The following ATP11A variants were observed in gnomAD, a reference collection of about 807,000 sequenced individuals.
ATP11A encodes the protein ATPase phospholipid transporting 11A.
ATP11A carries 81 observed loss-of-function variants against 154.4 expected under a neutral mutation model. That is an observed-to-expected ratio of 0.52 (90% CI 0.44 to 0.63). The LOEUF (loss-of-function observed/expected upper bound fraction) is 0.63, where lower values mean the gene tolerates loss of function less well. ATP11A is among the 30% of genes least tolerant of loss of function. The pLI is 0.00. For missense variants in ATP11A, 1,316 were observed against 1,474.3 expected, an observed-to-expected ratio of 0.89 and a Z score of 1.76; for synonymous variants, 623 against 585.9, an observed-to-expected ratio of 1.06 and a Z score of -0.91.
intron 1 of ATP11A, among the ~76,000 whole-genome samples, chr13:112,783,308 G>GA (rs1344196409): frequency 1.3e-5 from 2 of 152,152 alleles, no homozygotes; most frequent in African/African-American, 4.8e-5. Context: ...TTTAAAAAAC[G>GA]AGAGTTCCCT....
intron 6 of ATP11A, among the ~76,000 whole-genome samples, chr13:112,817,299 C>CA (rs2078671485): frequency 6.6e-6 from 1 of 152,142 alleles, no homozygotes; most frequent in African/African-American, 2.4e-5. Flanking sequence ...ATTTTCTTTA[C>CA]AAAATCACTG....
chr13:112,851,102 T>C lies in ATP11A; in HGVS notation c.1875T>C (p.Cys625=). The change falls in exon 18 of 30, where the codon TGT becomes TGC. Residue 625 remains cysteine, a synonymous_variant. Transcript: ENST00000375645. ...TCCAAGAAGAATATGAAGGCATTTG[T>C]AAGCTGCTGCAGGCTGCCAAAGTGG... is the stretch of plus-strand genomic sequence containing the variant. The part of the protein sequence containing the change: ...RLIQEEYEGI[C]KLLQAAKVAL... 1 of 1,614,236 alleles carries C rather than the reference T, an allele frequency of 6.2e-7. No homozygotes were observed. The highest frequency in any genetic ancestry group is 1.3e-5 in the African/African-American group (1 of 75,066).
intron 1 of ATP11A, chr13:112,717,649 C>T (rs1888619778): frequency 6.6e-6 from 1 of 152,238 alleles, no homozygotes; most frequent in Admixed American, 6.5e-5. Flanking sequence ...GCTTGTAAAT[C>T]AGGCAAACCT....
Position 112,875,804 on chromosome 13 carries a change from T to C in ATP11A, c.3190T>C (p.Tyr1064His). The part of the protein sequence containing the change: ...WPFLNYQRMY[Y>H]VFIQMLSSGP... ...GTTCCTCAACTACCAGAGGATGTAC[T>C]ACGTGTTCATCCAGATGCTGTCCAG... Residue 1064 changes from tyrosine to histidine, a missense_variant, in exon 28 of 30, where the codon TAC becomes CAC. This residue lies in a region of ATP11A where 294 missense variants were observed against 290.2 expected (regional missense o/e 1.01). Transcript: ENST00000375645. The surrounding 1 kb of genome is among the most constrained non-coding windows in gnomAD (Gnocchi z 4.1). 1.2e-6 allele frequency: 2 copies of C among 1,614,026 alleles called. No homozygotes were observed. Among genetic ancestry groups the C allele is most frequent in the Non-Finnish European group, 1.7e-6 (2 of 1,180,034 alleles).
chr13:112,823,029 C>G (rs928824307), intron 8 of ATP11A, among the ~76,000 whole-genome samples: 2 of 152,146 alleles, frequency 1.3e-5, no homozygotes, highest in Admixed American at 6.5e-5. Flanking sequence ...CTAGAGGTCT[C>G]TCGGGGAGTG....
intron 1 of ATP11A, among the ~76,000 whole-genome samples, chr13:112,714,706 G>A (rs1362584000): frequency 6.6e-6 from 1 of 152,192 alleles, no homozygotes; most frequent in Non-Finnish European, 1.5e-5. Context: ...GGTGCTGAGA[G>A]CACCGAGAGC....
chr13:112,864,540 C>A (rs76032969), intron 25 of ATP11A, among the ~76,000 whole-genome samples: 7 of 56,352 alleles, frequency 1.2e-4, no homozygotes, highest in African/African-American at 1.4e-4. Context: ...CCATCACCAC[C>A]TGCGCAGTAA....
rs533167756 is a variant in ATP11A at position 112,828,769 on chromosome 13, G to C, written c.1221+1878G>C. Reference sequence around the variant, plus strand: ...CCTCGTACACAAAGAAGTGTGTACTGTTGCTCACGGGGGACACACTGAGGT... The same window carrying C: ...CCTCGTACACAAAGAAGTGTGTACTCTTGCTCACGGGGGACACACTGAGGT... On this transcript the variant is annotated intron_variant, in intron 12 of 29. Transcript: ENST00000375645. 1.7e-3 allele frequency among the ~76,000 whole-genome samples: 258 copies of C among 152,336 alleles called. 1 individual carries two copies. Among genetic ancestry groups the C allele is most frequent in the Non-Finnish European group, 1.5e-3 (105 of 68,028 alleles).
rs557444981 is a variant in ATP11A, at chr13:112,766,676, G to A, written c.40-18459G>A. On this transcript the variant is annotated intron_variant, in intron 1 of 29. Transcript: ENST00000375645. ...CTTCTGCCCACCCCCCAGGATGGGG[G>A]CAGAAGCACCTGAGGGAGTCTGCCT... 2.6e-3 allele frequency among the ~76,000 whole-genome samples: 401 copies of A among 152,208 alleles called. 4 individuals are homozygous for A. Among genetic ancestry groups the A allele is most frequent in the African/African-American group, 9.1e-3 (380 of 41,534 alleles).
Position 112,802,428 on chromosome 13 carries a change from C to A in ATP11A, c.163-2529C>A, listed in dbSNP as rs2078162805. 3.9e-5 allele frequency among the ~76,000 whole-genome samples: 6 copies of A among 151,978 alleles called. No individual in the cohort carries two copies. In the South Asian group the frequency reaches 1.2e-3, roughly 32 times the overall value. ...GGAGTAGATCCACCCAGTAAATCCACCCAGATAGTCAACCCATTCACCCAG... is the reference window on the plus strand; with the variant it reads ...GGAGTAGATCCACCCAGTAAATCCAACCAGATAGTCAACCCATTCACCCAG... On this transcript the variant is annotated intron_variant, in intron 2 of 29. Coordinates refer to ENST00000375645, the MANE Select transcript of ATP11A (RefSeq NM_015205.3).
intron 1 of ATP11A, among the ~76,000 whole-genome samples, chr13:112,752,902 C>G (rs1396172449): frequency 6.6e-6 from 1 of 152,182 alleles, no homozygotes; most frequent in Non-Finnish European, 1.5e-5. Flanking sequence ...CCAGCAGCTG[C>G]CGAAGGAGCC....
intron 1 of ATP11A, among the ~76,000 whole-genome samples, chr13:112,704,968 G>A (rs949536678): frequency 2.6e-5 from 4 of 152,282 alleles, no homozygotes; most frequent in African/African-American, 7.2e-5. Flanking sequence ...AGGCAAATGG[G>A]ACCACAGATT....
intron 1 of ATP11A, among the ~76,000 whole-genome samples, chr13:112,709,728 T>TCATTG (rs56186507): frequency 6.6e-6 from 1 of 151,734 alleles, no homozygotes. Context: ...TAAATGTATT[T>TCATTG]AAGTCTCATG....
intron 17 of ATP11A, among the ~76,000 whole-genome samples, chr13:112,842,699 G>A (rs1419569449): frequency 1.3e-5 from 2 of 152,244 alleles, no homozygotes; most frequent in Admixed American, 1.3e-4. Flanking sequence ...CACGTTTGTG[G>A]TTATTGTATT....
intron 1 of ATP11A, among the ~76,000 whole-genome samples, chr13:112,741,704 C>T (rs980480569): frequency 3.3e-5 from 5 of 152,192 alleles, no homozygotes; most frequent in African/African-American, 1.2e-4. Flanking sequence ...TCTCTCTCTG[C>T]CCATATTCAG....
Position 112,873,655 on chromosome 13 carries a change from T to G in ATP11A, c.3140T>G (p.Leu1047Arg), listed in dbSNP as rs745689439. 2 of 1,613,460 alleles carry G rather than the reference T, an allele frequency of 1.2e-6. No homozygotes were observed. Among genetic ancestry groups the G allele is most frequent in the Non-Finnish European group, 1.7e-6 (2 of 1,179,482 alleles). ...CTGCTGTTCTACGTTGTCTTTTCGC[T>G]TCTCTGGGGAGGAGTGATCTGGTAA... ...GSLLFYVVFS[L>R]LWGGVIWPFL... The change falls in exon 27 of 30, where the codon CTT becomes CGT. Residue 1047 changes from leucine to arginine, a missense_variant. Physicochemically the swap from Leu to Arg is moderately radical, Grantham distance 102. Coordinates refer to ENST00000375645, the MANE Select transcript of ATP11A (RefSeq NM_015205.3).
chr13:112,739,160 G>A (rs769777906), intron 1 of ATP11A, among the ~76,000 whole-genome samples: 5 of 152,174 alleles, frequency 3.3e-5, no homozygotes, highest in Non-Finnish European at 7.3e-5. Flanking sequence ...TTCCTCAAAG[G>A]ACACCATTAC....
chr13:112,712,824 G>A (rs910975718), intron 1 of ATP11A, among the ~76,000 whole-genome samples: 25 of 152,188 alleles, frequency 1.6e-4, no homozygotes, highest in African/African-American at 5.8e-4. Context: ...TTTGGGACTC[G>A]GGGTTCAGTG....
At chr13:112,713,877 AT>A (rs1888059167) in intron 1 of ATP11A, among the ~76,000 whole-genome samples, 1 of 151,778 alleles carries the variant, frequency 6.6e-6, no homozygotes, top group Admixed American at 6.6e-5. Context: ...TGTAGCTTCC[AT>A]TCCTGGCCCC....
Sources: allele counts gnomAD v4.1 joint callset (sites outside exome capture counted in the v4.1 genomes callset), GRCh38; gene constraint gnomAD v4.1.1; regional missense constraint gnomAD v4.1.1; non-coding constraint Gnocchi (gnomAD v3.1); transcripts MANE v1.5; gene names NCBI Gene and HGNC (gene_info 2026-07-23, HGNC 2026-07-21).